Variants in ASAH2 observed in about 807,000 individuals in gnomAD.
The protein encoded by ASAH2 is neutral ceramidase.
Under a neutral mutation model 82.9 loss-of-function variants are expected in ASAH2, and 58 were observed. That is an observed-to-expected ratio of 0.70 (90% CI 0.57 to 0.87). The LOEUF (loss-of-function observed/expected upper bound fraction) is 0.87, where lower values mean the gene tolerates loss of function less well. Ranked by LOEUF, ASAH2 falls within the 40% of genes least tolerant of loss-of-function variation. The probability of loss-of-function intolerance (pLI) is 0.00; values close to 1 mark genes in which losing one functional copy is unlikely to be tolerated. For missense variants in ASAH2, 779 were observed against 834.0 expected (o/e 0.93, Z 0.81); for synonymous variants, 276 against 289.7 (o/e 0.95, Z 0.48).
rs769878787 is a variant in ASAH2, at chr10:50,214,784, C to G, written c.1099G>C (p.Glu367Gln). 2.5e-6 allele frequency: 4 copies of G among 1,613,558 alleles called. No homozygotes were observed. Among genetic ancestry groups the G allele is most frequent in the Non-Finnish European group, 3.4e-6 (4 of 1,179,630 alleles). Residue 367 changes from glutamate (E) to glutamine (Q), a missense_variant, in exon 9 of 21, where the codon GAG (glutamate) becomes CAG (glutamine). Glu to Gln is a conservative substitution (Grantham distance 29). This residue lies in a region of ASAH2 where 759 missense variants were observed against 755.2 expected (regional missense o/e 1.00). Coordinates refer to ENST00000682911, the MANE Select transcript of ASAH2 (RefSeq NM_019893.4). ...GTGCTATTGGCGTTATCACAGGACT[C>G]TCCTGTGTTGATGCAACGTGGTCCA... ...ILGPRCINTG[E>Q]SCDNANSTCP...
intron 16 of ASAH2, among the ~76,000 whole-genome samples, chr10:50,200,652 T>C (rs1406038415): frequency 1.3e-5 from 2 of 152,060 alleles, no homozygotes; most frequent in Non-Finnish European, 2.9e-5. Context: ...GTCTTCCTAC[T>C]AGACCCCCAG....
chr10:50,212,507 A>G (rs1845482546), intron 10 of ASAH2, among the ~76,000 whole-genome samples: 1 of 152,142 alleles, frequency 6.6e-6, no homozygotes, highest in Non-Finnish European at 1.5e-5. Flanking sequence ...AACTAATCTA[A>G]ATCCAAGTTT....
intron 2 of ASAH2, among the ~76,000 whole-genome samples, chr10:50,247,264 T>G (rs1020060867): frequency 2.0e-5 from 3 of 151,926 alleles, no homozygotes; most frequent in African/African-American, 4.8e-5. Context: ...GCGATTCTCC[T>G]GCCTTGCCTC....
chr10:50,204,797 A>G, intron 14 of ASAH2, 64 bp downstream of exon 14: 1 of 1,220,198 alleles, frequency 8.2e-7, no homozygotes, highest in Non-Finnish European at 1.2e-6. Flanking sequence ...TCATGATAAG[A>G]AGCAATTCCA....
At position 50,214,885 on chromosome 10, in the gene ASAH2, C is replaced by T; in HGVS notation, c.1015-17G>A. On this transcript the variant is annotated splice_polypyrimidine_tract_variant and intron_variant, in intron 8 of 20. Coordinates refer to ENST00000682911, the MANE Select transcript of ASAH2 (RefSeq NM_019893.4). Reference sequence around the variant, plus strand: ...AAATGGCCCCTGCCAAAAGAAATGCCAAGTTGCCTTTTATTCTTTCCTATT... The same window carrying T: ...AAATGGCCCCTGCCAAAAGAAATGCTAAGTTGCCTTTTATTCTTTCCTATT... 6.2e-7 allele frequency: 1 copy of T among 1,613,068 alleles called. No individual in the cohort carries two copies. The highest frequency in any genetic ancestry group is 8.5e-7 in the Non-Finnish European group (1 of 1,179,450).
At position 50,206,766 on chromosome 10, in the gene ASAH2, A is replaced by G. The variant is rs1343052175; in HGVS notation, c.1415-669T>C. ...ATACACATTTCAGTAACAATACTGA[A>G]ATTTTCAATAACCCACTCTCAATCA... On this transcript the variant is annotated intron_variant, in intron 12 of 20. Coordinates refer to ENST00000682911, the MANE Select transcript of ASAH2 (RefSeq NM_019893.4). Among the ~76,000 whole-genome samples, 5 of 152,008 alleles carry G rather than the reference A, an allele frequency of 3.3e-5. No individual in the cohort carries two copies. In the East Asian group the frequency reaches 7.7e-4, roughly 24 times the overall value.
chr10:50,227,918 C>A (rs1589346033), intron 7 of ASAH2, among the ~76,000 whole-genome samples: 1 of 152,116 alleles, frequency 6.6e-6, no homozygotes. Flanking sequence ...TGACCAAGCT[C>A]CACTGAAGAA....
chr10:50,198,259 C>T (rs1845043859), intron 17 of ASAH2: 1 of 147,782 alleles, frequency 6.8e-6, no homozygotes, highest in African/African-American at 2.6e-5. Context: ...ATATAAGGGG[C>T]TGCTTATTAT....
rs1383096268 is a variant in ASAH2, at chr10:50,211,079, T to C, written c.1283A>G (p.Gln428Arg). 2 of 1,613,740 alleles carry C rather than the reference T, an allele frequency of 1.2e-6. No individual in the cohort carries two copies. The highest frequency in any genetic ancestry group is 1.7e-6 in the Non-Finnish European group (2 of 1,179,752). The change falls in exon 11 of 21, where the codon CAG (glutamine) becomes CGG (arginine). Residue 428 changes from glutamine to arginine, a missense_variant. By Grantham distance (43) the Gln-to-Arg change is conservative. This residue lies in a region of ASAH2 where 759 missense variants were observed against 755.2 expected (regional missense o/e 1.00). Transcript: ENST00000682911. ...EVTGPLASAH[Q>R]WVDMTDVTVW... The stretch of plus-strand genomic sequence containing the variant: ...AGTCACATCTGTCATATCCACCCAC[T>C]GGTGTGCTGAAGCCAGTGGTCCTGT...
rs752856040 is a variant in ASAH2 at position 50,218,644 on chromosome 10, A to G, written c.894-14T>C. ...ATGGCAAACCAGCTGTAAAAGAGCA[A>G]GAAGCTCTAAATTAATCAGGAGAAC... is the stretch of plus-strand genomic sequence containing the variant. On this transcript the variant is annotated splice_polypyrimidine_tract_variant and intron_variant, in intron 7 of 20. Transcript: ENST00000682911. 1,372,153 of 1,612,990 alleles carry G rather than the reference A, an allele frequency of 0.85. 591,591 individuals carry two copies. Among genetic ancestry groups the G allele is most frequent in the Non-Finnish European group, 0.89 (1,048,599 of 1,179,204 alleles).
chr10:50,186,564 C>T lies in ASAH2; in HGVS notation c.*751G>A, dbSNP rs1354429104. On this transcript the variant is annotated 3_prime_UTR_variant, in exon 21 of 21. Coordinates refer to ENST00000682911, the MANE Select transcript of ASAH2 (RefSeq NM_019893.4). ...GAGACACAATCCAGTGGGATAAGGA[C>T]ACTTAGGAAAACACAAGGCATGATC... The T allele has an allele frequency of 6.8e-6, 1 of 147,534 alleles. No individual in the cohort carries two copies. The highest frequency in any genetic ancestry group is 1.5e-5 in the Non-Finnish European group (1 of 67,508). 9.1% of individuals were successfully genotyped at this position (147,534 alleles called of 1,614,324 possible).
intron 2 of ASAH2, among the ~76,000 whole-genome samples, chr10:50,246,123 T>C (rs192536173): frequency 6.6e-5 from 10 of 152,310 alleles, no homozygotes; most frequent in Non-Finnish European, 1.5e-4. Flanking sequence ...ATATATTTAT[T>C]ATACACACAC....
chr10:50,229,307 T>C (rs2133221508), intron 7 of ASAH2, among the ~76,000 whole-genome samples: 1 of 152,242 alleles, frequency 6.6e-6, no homozygotes, highest in African/African-American at 2.4e-5. Flanking sequence ...CCACAACATG[T>C]TCTCCATGTC....
intron 17 of ASAH2, chr10:50,198,166 C>T (rs891252863): frequency 1.9e-4 from 29 of 152,028 alleles, no homozygotes; most frequent in African/African-American, 6.5e-4. Flanking sequence ...CTTAATATAT[C>T]CAAGCTCTTT....
Position 50,214,822 on chromosome 10 carries a change from G to A in ASAH2, c.1061C>T (p.Ser354Phe). 1 of 1,613,732 alleles carries A rather than the reference G, an allele frequency of 6.2e-7. No individual in the cohort carries two copies. Among genetic ancestry groups the A allele is most frequent in the East Asian group, 2.2e-5 (1 of 44,876 alleles). ...GCAACGTGGTCCAAGAATGTTGGGG[G>A]ACACATCTCCTAGGTTTGATGAAGC... ...AFASSNLGDV[S>F]PNILGPRCIN... The change falls in exon 9 of 21, where the codon TCC becomes TTC. Residue 354 changes from serine to phenylalanine, a missense_variant. Transcript: ENST00000682911.
chr10:50,243,862 T>C (rs1332642582), intron 3 of ASAH2, among the ~76,000 whole-genome samples: 1 of 152,192 alleles, frequency 6.6e-6, no homozygotes, highest in Non-Finnish European at 1.5e-5. Context: ...GTGGTATATT[T>C]ATAATTAAGT....
At chr10:50,226,970 A>G (rs1845902882) in intron 7 of ASAH2, among the ~76,000 whole-genome samples, 1 of 152,180 alleles carries the variant, frequency 6.6e-6, no homozygotes, top group South Asian at 2.1e-4. Context: ...ATATTTTAAA[A>G]ATAGCTATCA....
At position 50,211,107 on chromosome 10, in the gene ASAH2, C is replaced by T; in HGVS notation, c.1255G>A (p.Val419Ile). The change falls in exon 11 of 21, where the codon GTA becomes ATA. Residue 419 changes from valine to isoleucine, a missense_variant. By Grantham distance (29) the Val-to-Ile change is conservative (BLOSUM62 3). Around this residue, in one of 3 missense-constraint regions of ASAH2, gnomAD observed 759 missense variants for 755.2 expected, o/e 1.00. Transcript: ENST00000682911. Reference protein sequence around the residue: ...KELYASASQEVTGPLASAHQW... With the variant: ...KELYASASQEITGPLASAHQW... Reference sequence around the variant, plus strand: ...TGTGCTGAAGCCAGTGGTCCTGTTACCTCCTGGGAGGCAGAGGCATAGAGT... The same window carrying T: ...TGTGCTGAAGCCAGTGGTCCTGTTATCTCCTGGGAGGCAGAGGCATAGAGT... 1 of 1,613,546 alleles carries T rather than the reference C, an allele frequency of 6.2e-7. No homozygotes were observed.
chr10:50,248,110 T>C (rs920344213), intron 2 of ASAH2, among the ~76,000 whole-genome samples: 1 of 152,238 alleles, frequency 6.6e-6, no homozygotes, highest in Non-Finnish European at 1.5e-5. Flanking sequence ...CAGTGAGTCT[T>C]TCATTCTCCT....
Sources: gnomAD v4.1 joint callset for allele counts (sites outside exome capture counted in the v4.1 genomes callset) on GRCh38, gnomAD v4.1.1 for gene constraint, gnomAD v4.1.1 regional missense constraint, MANE v1.5 for transcripts, NCBI Gene and HGNC (gene_info 2026-07-23, HGNC 2026-07-21) for gene names.